INSC: variants seen among roughly 807,000 people sequenced by gnomAD.
The protein encoded by INSC is INSC spindle orientation adaptor protein.
A neutral mutation model predicts 58.6 loss-of-function variants in INSC; 67 were observed. The observed-to-expected ratio is 1.14, with a 90% CI of 0.94 to 1.40. INSC has a LOEUF of 1.40. Among genes scored for constraint, INSC ranks in the 40% most tolerant of loss-of-function variants. INSC has a pLI of 0.00. For synonymous variants in INSC, 262 were observed against 276.1 expected (o/e 0.95, Z 0.51); for missense variants, 714 against 692.0 (o/e 1.03, Z -0.36).
intron 7 of INSC, among the ~76,000 whole-genome samples, chr11:15,216,605 A>G (rs906365421): frequency 6.6e-6 from 1 of 152,206 alleles, no homozygotes; most frequent in Admixed American, 6.5e-5. Flanking sequence ...AGTTGCAATT[A>G]TTCATTGCAT....
the INSC span, among the ~76,000 whole-genome samples, chr11:15,256,039 A>T: frequency 6.6e-6 from 1 of 152,210 alleles, no homozygotes; most frequent in Non-Finnish European, 1.5e-5. Context: ...AAATAGACCC[A>T]GTTCTCACTT....
At chr11:15,213,051 G>A (rs935162004) in intron 7 of INSC, among the ~76,000 whole-genome samples, 1 of 152,204 alleles carries the variant, frequency 6.6e-6, no homozygotes, top group African/African-American at 2.4e-5. Context: ...GGCTTTTCTC[G>A]CTGTGAAGGT....
intron 2 of INSC, among the ~76,000 whole-genome samples, chr11:15,165,944 C>G (rs1181483096): frequency 2.0e-5 from 3 of 152,142 alleles, no homozygotes; most frequent in African/African-American, 2.4e-5. Context: ...CATGACCCAT[C>G]ATGATGGGAT....
intron 8 of INSC, among the ~76,000 whole-genome samples, chr11:15,222,432 A>G (rs1851479943): frequency 6.6e-6 from 1 of 152,202 alleles, no homozygotes; most frequent in Admixed American, 6.5e-5. Flanking sequence ...TGGAGTCACC[A>G]TGCCAGGGCT....
chr11:15,174,912 A>G (rs1174477885), intron 2 of INSC, among the ~76,000 whole-genome samples: 1 of 152,176 alleles, frequency 6.6e-6, no homozygotes, highest in Non-Finnish European at 1.5e-5. Context: ...ACAAATATAC[A>G]ATGCTTTATC....
chr11:15,237,812 T>G (rs1446316174), intron 10 of INSC, among the ~76,000 whole-genome samples: 2 of 152,184 alleles, frequency 1.3e-5, no homozygotes, highest in African/African-American at 4.8e-5. Context: ...TTTAACAATT[T>G]GTTGTGCAGA....
In INSC at chr11:15,238,512, C is replaced by G. The variant is rs558949480; in HGVS notation, c.1238-407C>G. Among the ~76,000 whole-genome samples, 4 of 152,276 alleles carry G rather than the reference C, an allele frequency of 2.6e-5. No homozygotes were observed. The East Asian group carries it at 7.7e-4, about 29-fold the overall frequency. On this transcript the variant is annotated intron_variant, in intron 10 of 12. Coordinates refer to ENST00000379556, the MANE Select transcript of INSC (RefSeq NM_001042536.3). ...ATCTGAATTTTAATAGCGGCTCCCC[C>G]AACTGCTAACCATGTGACACTGGGC...
intron 7 of INSC, among the ~76,000 whole-genome samples, chr11:15,217,288 A>C (rs1222303580): frequency 6.6e-6 from 1 of 152,182 alleles, no homozygotes; most frequent in African/African-American, 2.4e-5. Flanking sequence ...GAAATCACTC[A>C]CTATCACAAG....
At chr11:15,113,922 T>A (rs1334834441), upstream of INSC, among the ~76,000 whole-genome samples, 1 of 152,074 alleles carries the variant, frequency 6.6e-6, no homozygotes, top group African/African-American at 2.4e-5. Flanking sequence ...TCCTTCTCCC[T>A]GAATACATAT....
At position 15,178,424 on chromosome 11, in the gene INSC, C is replaced by A. The variant is rs757836308; in HGVS notation, c.556C>A (p.Leu186Met). ...LGQHFGQLLE[L>M]ALTREVQALV... Reference sequence around the variant, plus strand: ...CCAGCACTTTGGTCAGCTGCTGGAGCTGGCCCTGACACGGGAGGTTCAGGT... The same window carrying A: ...CCAGCACTTTGGTCAGCTGCTGGAGATGGCCCTGACACGGGAGGTTCAGGT... The change falls in exon 5 of 13, where the codon CTG (leucine) becomes ATG (methionine). Residue 186 changes from leucine to methionine, a missense_variant. Coordinates refer to ENST00000379556, the MANE Select transcript of INSC (RefSeq NM_001042536.3). The A allele has an allele frequency of 3.1e-6, 5 of 1,612,012 alleles. No homozygotes were observed. In the South Asian group the frequency reaches 5.5e-5, roughly 18 times the overall value.
chr11:15,265,707 A>G, the INSC span, among the ~76,000 whole-genome samples: 1 of 151,812 alleles, frequency 6.6e-6, no homozygotes, highest in Non-Finnish European at 1.5e-5. Context: ...TAGTTTATTT[A>G]AAGTACTAAT....
Position 15,245,926 on chromosome 11 carries a change from A to C in INSC, c.1485A>C (p.Arg495Ser). 6.2e-7 allele frequency: 1 copy of C among 1,614,146 alleles called. No homozygotes were observed. Among genetic ancestry groups the C allele is most frequent in the Non-Finnish European group, 8.5e-7 (1 of 1,179,946 alleles). ...CTTCTCCCCAGGCTGCTCTGCGTAG[A>C]TTGGCTGGGGTCTGCCCTGAAGGCC... ...VLVACLAALRRLAGVCPEGLQ... is the reference protein window; with the variant it reads ...VLVACLAALRSLAGVCPEGLQ... Residue 495 changes from arginine (R) to serine (S), a missense_variant, in exon 13 of 13, where the codon AGA becomes AGC. Coordinates refer to ENST00000379556, the MANE Select transcript of INSC (RefSeq NM_001042536.3).
chr11:15,180,767 T>C (rs1307022368), intron 5 of INSC, among the ~76,000 whole-genome samples: 1 of 150,770 alleles, frequency 6.6e-6, no homozygotes, highest in Non-Finnish European at 1.5e-5. Context: ...ATAACCCCCA[T>C]TCCTGGTGCT....
chr11:15,166,704 G>A (rs978350504), intron 2 of INSC, among the ~76,000 whole-genome samples: 2 of 152,256 alleles, frequency 1.3e-5, no homozygotes, highest in African/African-American at 2.4e-5. Context: ...TATTTGATTC[G>A]ATTACATATT....
intron 7 of INSC, among the ~76,000 whole-genome samples, chr11:15,205,875 C>T (rs1850778082): frequency 6.6e-6 from 1 of 152,162 alleles, no homozygotes; most frequent in Non-Finnish European, 1.5e-5. Context: ...GAGCCAGGTT[C>T]TCTGTGTTGG....
chr11:15,113,246 C>T (rs534896667), upstream of INSC, among the ~76,000 whole-genome samples: 3 of 151,966 alleles, frequency 2.0e-5, no homozygotes, highest in Admixed American at 6.6e-5. Context: ...CTGCAACCTC[C>T]GACTCATTGG....
intron 2 of INSC, among the ~76,000 whole-genome samples, chr11:15,152,653 G>A (rs1298021908): frequency 3.3e-5 from 5 of 152,190 alleles, no homozygotes. Context: ...ATTGTTTTTT[G>A]CTTAAATAAA....
At chr11:15,228,411 C>A (rs1851722699) in intron 9 of INSC, among the ~76,000 whole-genome samples, 3 of 152,174 alleles carry the variant, frequency 2.0e-5, no homozygotes, top group Admixed American at 2.0e-4. Context: ...GGAGTCGGTA[C>A]CTTTTCACGT....
At chr11:15,138,275 A>G (rs1366432874) in intron 1 of INSC, among the ~76,000 whole-genome samples, 4 of 152,268 alleles carry the variant, frequency 2.6e-5, no homozygotes, top group African/African-American at 9.6e-5. Context: ...ATGAGAAATT[A>G]CTAAAGTGTG....
Sources: allele counts gnomAD v4.1 joint callset (sites outside exome capture counted in the v4.1 genomes callset), GRCh38; gene constraint gnomAD v4.1.1; transcripts MANE v1.5; gene names NCBI Gene and HGNC (gene_info 2026-07-23, HGNC 2026-07-21).